EPHA6: variants seen among roughly 807,000 people sequenced by gnomAD.
EPHA6 encodes the protein EPH receptor A6.
EPHA6 carries 50 observed loss-of-function variants against 112.0 expected under a neutral mutation model. The observed-to-expected ratio is 0.45, with a 90% confidence interval of 0.36 to 0.56. EPHA6 has a LOEUF of 0.56. EPHA6 is among the 20% of genes least tolerant of loss of function. EPHA6 has a pLI of 0.00. For missense variants in EPHA6, 1,280 were observed against 1,417.4 expected, an observed-to-expected ratio of 0.90 and a Z score of 1.56; for synonymous variants, 529 against 490.7, an observed-to-expected ratio of 1.08 and a Z score of -1.03.
chr3:97,149,457 C>T (rs1576575641), intron 3 of EPHA6, among the ~76,000 whole-genome samples: 1 of 152,148 alleles, frequency 6.6e-6, no homozygotes. Context: ...TCTGTCTCCA[C>T]TGTATAATAT....
intron 5 of EPHA6, among the ~76,000 whole-genome samples, chr3:97,247,033 T>A (rs1273262048): frequency 6.6e-6 from 1 of 152,046 alleles, no homozygotes; most frequent in African/African-American, 2.4e-5. Context: ...AATAAATAAT[T>A]GTATTGCTTA....
intron 14 of EPHA6, chr3:97,646,287 G>T: frequency 6.5e-7 from 1 of 1,530,050 alleles, no homozygotes; most frequent in South Asian, 1.2e-5. Context: ...AAAGCAATGT[G>T]ACAAGAGAGA....
At chr3:97,736,576 A>C (rs1043385740) in intron 16 of EPHA6, among the ~76,000 whole-genome samples, 1 of 151,682 alleles carries the variant, frequency 6.6e-6, no homozygotes, top group Non-Finnish European at 1.5e-5. Flanking sequence ...CAAGCCAGAC[A>C]GGGGCAATTT....
At chr3:97,407,805 A>T (rs373918624) in intron 6 of EPHA6, among the ~76,000 whole-genome samples, 67 of 152,026 alleles carry the variant, frequency 4.4e-4, no homozygotes, top group African/African-American at 1.5e-3. Flanking sequence ...ATAATGAGGG[A>T]ACTAAGACAT....
intron 14 of EPHA6, among the ~76,000 whole-genome samples, chr3:97,691,598 A>G (rs932521797): frequency 1.3e-4 from 20 of 152,204 alleles, no homozygotes; most frequent in African/African-American, 4.3e-4. Flanking sequence ...GTATTTGCAT[A>G]CTAAAACATC....
At chr3:97,659,732 CT>C (rs2094158132) in intron 14 of EPHA6, among the ~76,000 whole-genome samples, 1 of 151,902 alleles carries the variant, frequency 6.6e-6, no homozygotes, top group Admixed American at 6.6e-5. Flanking sequence ...ATTGCAGGCA[CT>C]ACTTTGAAAA....
chr3:97,008,411 G>C (rs1028218848), intron 3 of EPHA6, among the ~76,000 whole-genome samples: 1 of 152,086 alleles, frequency 6.6e-6, no homozygotes, highest in Non-Finnish European at 1.5e-5. Flanking sequence ...GTTGATACTT[G>C]TGTATGCTTC....
At chr3:97,492,575 A>ACTGTG (rs1298460832) in intron 10 of EPHA6, among the ~76,000 whole-genome samples, 3 of 111,480 alleles carry the variant, frequency 2.7e-5, no homozygotes, top group African/African-American at 6.4e-5. Flanking sequence ...AAAAAAAAAA[A>ACTGTG]AAAAAAAAAA....
chr3:96,908,455 T>A (rs1430223042), intron 2 of EPHA6, among the ~76,000 whole-genome samples: 1 of 151,988 alleles, frequency 6.6e-6, no homozygotes, highest in Admixed American at 6.6e-5. Flanking sequence ...AGCTTCTTTA[T>A]AAGCTTGAAT....
At chr3:97,608,097 A>C (rs563426867) in intron 12 of EPHA6, among the ~76,000 whole-genome samples, 1 of 151,212 alleles carries the variant, frequency 6.6e-6, no homozygotes, top group South Asian at 2.1e-4. Context: ...GTAAAAAAAA[A>C]AAAAATTCCT....
chr3:97,204,999 A>G (rs2077679134), intron 3 of EPHA6, among the ~76,000 whole-genome samples: 4 of 152,100 alleles, frequency 2.6e-5, no homozygotes, highest in Admixed American at 2.6e-4. Flanking sequence ...AAATTGGGCA[A>G]TTATAGGTTT....
chr3:97,125,000 C>T (rs558887725), intron 3 of EPHA6, among the ~76,000 whole-genome samples: 1 of 151,326 alleles, frequency 6.6e-6, no homozygotes, highest in South Asian at 2.1e-4. Context: ...TTGGGAGCAC[C>T]TTGACCCCCA....
intron 5 of EPHA6, among the ~76,000 whole-genome samples, chr3:97,401,155 T>G (rs2086969086): frequency 6.6e-6 from 1 of 151,790 alleles, no homozygotes; most frequent in South Asian, 2.1e-4. Context: ...CAAATGCTTT[T>G]TTTTGCATCT....
chr3:97,277,888 G>A (rs2080149019), intron 5 of EPHA6, among the ~76,000 whole-genome samples: 1 of 152,096 alleles, frequency 6.6e-6, no homozygotes, highest in Non-Finnish European at 1.5e-5. Flanking sequence ...TATAAACACT[G>A]TACGCTGAGG....
At chr3:96,928,798 G>A (rs943453140) in intron 2 of EPHA6, among the ~76,000 whole-genome samples, 12 of 152,052 alleles carry the variant, frequency 7.9e-5, no homozygotes, top group Non-Finnish European at 2.9e-5. Context: ...GAATCTGGGT[G>A]CTCCTCTATT....
intron 6 of EPHA6, among the ~76,000 whole-genome samples, chr3:97,410,167 TAA>T (rs2087620279): frequency 6.6e-6 from 1 of 152,058 alleles, no homozygotes; most frequent in Non-Finnish European, 1.5e-5. Flanking sequence ...CTTTGCACAA[TAA>T]GTCTTTTTTC....
intron 13 of EPHA6, among the ~76,000 whole-genome samples, chr3:97,627,951 A>G (rs2093872404): frequency 6.6e-6 from 1 of 151,994 alleles, no homozygotes; most frequent in African/African-American, 2.4e-5. Context: ...GCCAAGTTGG[A>G]AAACTACTGA....
chr3:96,840,738 G>A (rs553625462), intron 1 of EPHA6, among the ~76,000 whole-genome samples: 4 of 152,036 alleles, frequency 2.6e-5, no homozygotes, highest in African/African-American at 9.7e-5. Context: ...GTGTCTTGAG[G>A]TGGGACAGAA....
chr3:97,168,003 C>T (rs2076583282), intron 3 of EPHA6, among the ~76,000 whole-genome samples: 1 of 151,856 alleles, frequency 6.6e-6, no homozygotes, highest in African/African-American at 2.4e-5. Flanking sequence ...TTAAAGATTT[C>T]AATATAATTT....
Sources: allele counts gnomAD v4.1 joint callset (sites outside exome capture counted in the v4.1 genomes callset), GRCh38; gene constraint gnomAD v4.1.1; transcripts MANE v1.5; gene names NCBI Gene and HGNC (gene_info 2026-07-23, HGNC 2026-07-21).